FBXO47: variants seen among roughly 807,000 people sequenced by gnomAD.
The protein encoded by FBXO47 is F-box only protein 47.
Under a neutral mutation model 53.9 loss-of-function variants are expected in FBXO47, and 34 were observed. That is an observed-to-expected ratio of 0.63 (90% CI 0.48 to 0.84). FBXO47 has a LOEUF of 0.84. FBXO47 is among the 40% of genes least tolerant of loss of function. FBXO47 has a pLI of 0.00. For missense variants in FBXO47, 485 were observed against 541.3 expected (o/e 0.90, Z 1.03); for synonymous variants, 165 against 181.6 (o/e 0.91, Z 0.73).
intron 1 of FBXO47, among the ~76,000 whole-genome samples, chr17:38,963,795 TTTTGTTG>T (rs1450188162): frequency 2.0e-4 from 28 of 138,624 alleles, no homozygotes; most frequent in Admixed American, 3.6e-4. Context: ...GTTGTTGTTG[TTTTGTTG>T]TTTTTTTTTT....
intron 6 of FBXO47, among the ~76,000 whole-genome samples, chr17:38,946,523 A>C (rs1394280220): frequency 1.2e-5 from 1 of 80,896 alleles, no homozygotes; most frequent in Non-Finnish European, 2.1e-5. Context: ...AATATATATG[A>C]ATATATATAA....
intron 7 of FBXO47, among the ~76,000 whole-genome samples, chr17:38,944,353 C>G (rs2143896992): frequency 6.6e-6 from 1 of 151,664 alleles, no homozygotes; most frequent in African/African-American, 2.4e-5. Context: ...AAGTGGGACC[C>G]TGCAGGAGAT....
intron 6 of FBXO47, among the ~76,000 whole-genome samples, chr17:38,947,049 A>AAACATATATAAATATATGTAAATATATAT (rs1567717642): frequency 7.5e-6 from 1 of 133,838 alleles, no homozygotes; most frequent in African/African-American, 2.9e-5. Flanking sequence ...TAAATATATA[A>AAACATATATAAATATATGTAAATATATAT]AAACATATAT....
At chr17:38,939,849 A>G (rs1904430422) in intron 9 of FBXO47, among the ~76,000 whole-genome samples, 1 of 149,252 alleles carries the variant, frequency 6.7e-6, no homozygotes, top group South Asian at 2.1e-4. Context: ...TTGTATTTTT[A>G]GTAGAGACGG....
intron 6 of FBXO47, among the ~76,000 whole-genome samples, chr17:38,949,313 G>A (rs541988341): frequency 2.3e-4 from 35 of 152,080 alleles, no homozygotes; most frequent in African/African-American, 7.2e-4. Flanking sequence ...CCAGCTACTC[G>A]GGAGGCTGAG....
chr17:38,951,263 C>T (rs1034333791), intron 6 of FBXO47, among the ~76,000 whole-genome samples: 4 of 151,848 alleles, frequency 2.6e-5, no homozygotes, highest in African/African-American at 4.8e-5. Context: ...GGTGCGATCA[C>T]AGCTCTCTGC....
At chr17:38,960,830 C>G (rs1905783373) in intron 3 of FBXO47, among the ~76,000 whole-genome samples, 1 of 152,002 alleles carries the variant, frequency 6.6e-6, no homozygotes, top group Non-Finnish European at 1.5e-5. Flanking sequence ...CAGGGTTTCA[C>G]CATGTTGGCC....
At chr17:38,963,531 CT>C (rs1905925861) in intron 1 of FBXO47, among the ~76,000 whole-genome samples, 1 of 151,442 alleles carries the variant, frequency 6.6e-6, no homozygotes, top group South Asian at 2.1e-4. Flanking sequence ...CTATTTTCAT[CT>C]CTTTTTTTAT....
rs532833037 is a variant in FBXO47 at position 38,938,582 on chromosome 17, T to C, written c.1234A>G (p.Ile412Val). 1.4e-5 allele frequency: 23 copies of C among 1,611,132 alleles called. No homozygotes were observed. In the African/African-American group the frequency reaches 1.6e-4, roughly 11 times the overall value. The change falls in exon 10 of 11, where the codon ATT becomes GTT. Residue 412 changes from isoleucine to valine, a missense_variant. By Grantham distance (29) the Ile-to-Val change is conservative (BLOSUM62 3). Coordinates refer to ENST00000378079, the MANE Select transcript of FBXO47 (RefSeq NM_001008777.3). ...ACVIMEMLQS[I>V]MSGDRDEDDR... Reference sequence around the variant, plus strand: ...GTACATTCCTACTCACCAGACATAATTGATTGCAGCATTTCCATTATAACA... The same window carrying C: ...GTACATTCCTACTCACCAGACATAACTGATTGCAGCATTTCCATTATAACA...
chr17:38,945,585 G>A (rs1904716692), intron 6 of FBXO47, among the ~76,000 whole-genome samples: 1 of 151,990 alleles, frequency 6.6e-6, no homozygotes, highest in Non-Finnish European at 1.5e-5. Context: ...GATCACTTGA[G>A]GTCAGGAGTT....
chr17:38,954,834 T>C (rs1567720470), intron 5 of FBXO47, 22 bp downstream of exon 5: 1 of 1,483,870 alleles, frequency 6.7e-7, no homozygotes. Flanking sequence ...TCCCTTTTCT[T>C]CTCTGATTAA....
chr17:38,961,150 T>C (rs1241134176), intron 3 of FBXO47, among the ~76,000 whole-genome samples: 2 of 152,192 alleles, frequency 1.3e-5, no homozygotes, highest in African/African-American at 4.8e-5. Context: ...TAAGCATCCT[T>C]GGGCTACTAA....
At chr17:38,952,815 CTTTTTTT>C (rs139105548) in intron 5 of FBXO47, among the ~76,000 whole-genome samples, 10 of 115,356 alleles carry the variant, frequency 8.7e-5, no homozygotes, top group African/African-American at 2.9e-4. Context: ...TTATTTATGA[CTTTTTTT>C]TTTTTTTTTT....
At position 38,946,101 on chromosome 17, in the gene FBXO47, T is replaced by TATATATAAATACATAAATATATATAC. The variant is rs1904770422; in HGVS notation, c.617-966_617-965insGTATATATATTTATGTATTTATATAT. On this transcript the variant is annotated intron_variant, in intron 6 of 10. Coordinates refer to ENST00000378079, the MANE Select transcript of FBXO47 (RefSeq NM_001008777.3). ...ATATATAAATACATAAATATATATTTATATATAAATACATAAATAAATATA... is the reference window on the plus strand; with the variant it reads ...ATATATAAATACATAAATATATATTTATATATAAATACATAAATATATATACATATATAAATACATAAATAAATATA... Among the ~76,000 whole-genome samples, 9 of 122,994 alleles carry TATATATAAATACATAAATATATATAC rather than the reference T, an allele frequency of 7.3e-5. 1 individual carries two copies. In the South Asian group the frequency reaches 1.8e-3, roughly 24 times the overall value. 80.7% of individuals were successfully genotyped at this position (122,994 alleles called of 152,430 possible). A position where few individuals can be genotyped will look rare whatever the true frequency, so the allele number is the denominator to read the frequency against.
At chr17:38,952,815 C>CTTTTTTTTTTT (rs139105548) in intron 5 of FBXO47, among the ~76,000 whole-genome samples, 2 of 115,356 alleles carry the variant, frequency 1.7e-5, no homozygotes, top group African/African-American at 6.4e-5. Context: ...TTATTTATGA[C>CTTTTTTTTTTT]TTTTTTTTTT....
rs756890923 is a variant in FBXO47, at chr17:38,961,868, A to G, written c.352+9T>C. ...CTTTACTTGTTGCAATTCTCATTACATAAGTTACCTAGAGATCTGTAGTGC... is the reference window on the plus strand; with the variant it reads ...CTTTACTTGTTGCAATTCTCATTACGTAAGTTACCTAGAGATCTGTAGTGC... On this transcript the variant is annotated intron_variant, in intron 3 of 10. Transcript: ENST00000378079. 93 of 1,605,654 alleles carry G rather than the reference A, an allele frequency of 5.8e-5. No individual in the cohort carries two copies. Among genetic ancestry groups the G allele is most frequent in the Admixed American group, 1.4e-4 (8 of 56,710 alleles).
rs376992151 is a variant in FBXO47 at position 38,943,645 on chromosome 17, A to G, written c.885T>C (p.Ala295=). Residue 295 remains alanine, a synonymous_variant, in exon 8 of 11, where the codon GCT becomes GCC. Transcript: ENST00000378079. ...CATCTGCTGTCCACTCTTTAGTGCT[A>G]GCGTCATATAGTAACTTAATGGCAT... ...LADAIKLLYD[A]STKEWTADDV... 6.2e-7 allele frequency: 1 copy of G among 1,609,414 alleles called. No homozygotes were observed. Among genetic ancestry groups the G allele is most frequent in the East Asian group, 2.2e-5 (1 of 44,766 alleles).
intron 6 of FBXO47, among the ~76,000 whole-genome samples, chr17:38,945,935 C>CAAAAAA (rs34412322): frequency 1.1e-4 from 10 of 94,596 alleles, no homozygotes; most frequent in African/African-American, 4.7e-4. Flanking sequence ...GACTCTGGCT[C>CAAAAAA]AAAAAAAAAA....
intron 6 of FBXO47, among the ~76,000 whole-genome samples, chr17:38,951,075 T>C (rs936815142): frequency 2.6e-5 from 4 of 151,864 alleles, no homozygotes; most frequent in Non-Finnish European, 5.9e-5. Context: ...TAATTTTTTG[T>C]AGAGACATGG....
Sources: gnomAD v4.1 joint callset for allele counts (sites outside exome capture counted in the v4.1 genomes callset) on GRCh38, gnomAD v4.1.1 for gene constraint, MANE v1.5 for transcripts, NCBI Gene and HGNC (gene_info 2026-07-23, HGNC 2026-07-21) for gene names.